Variants in CCM2L observed in about 807,000 individuals in gnomAD.
The protein encoded by CCM2L is CCM2 like scaffold protein.
In CCM2L, 36 loss-of-function variants were observed where a neutral mutation model predicts 54.1. That is an observed-to-expected ratio of 0.67 (90% confidence interval 0.51 to 0.88). The LOEUF is 0.88. Among genes scored for constraint, CCM2L ranks in the 40% least tolerant of loss-of-function variants. The pLI, the probability that CCM2L is intolerant of heterozygous loss-of-function variation, is 0.00. For synonymous variants in CCM2L, 351 were observed against 359.3 expected (o/e 0.98, Z 0.26); for missense variants, 700 against 812.1 (o/e 0.86, Z 1.68).
chr20:32,014,564 C>T (rs1282233272), intron 1 of CCM2L, among the ~76,000 whole-genome samples: 1 of 152,134 alleles, frequency 6.6e-6, no homozygotes, highest in Non-Finnish European at 1.5e-5. Context: ...CCACGCCTGG[C>T]CTTGAATCCT....
chr20:32,023,256 C>CACT, intron 6 of CCM2L, among the ~76,000 whole-genome samples: 1 of 152,358 alleles, frequency 6.6e-6, no homozygotes, highest in East Asian at 1.9e-4. Flanking sequence ...AGGCGTGAGC[C>CACT]ACTGCACCCA....
intron 5 of CCM2L, 43 bp from the exon 6 acceptor site, chr20:32,022,617 C>T: frequency 6.2e-7 from 1 of 1,607,538 alleles, no homozygotes; most frequent in Non-Finnish European, 8.5e-7. Flanking sequence ...ACATCTTGGT[C>T]ATTGGTGAGG....
chr20:32,025,722 C>T (rs2064853213), intron 6 of CCM2L, 134 bp from the exon 7 acceptor site: 2 of 497,568 alleles, frequency 4.0e-6, no homozygotes, highest in Non-Finnish European at 7.0e-6. Flanking sequence ...GGGGAGTTCC[C>T]CAGGGTCTGT....
intron 4 of CCM2L, 62 bp downstream of exon 4, chr20:32,018,224 GCGGGGGCGGGGC>G (rs2064760338): frequency 2.6e-6 from 1 of 378,688 alleles, no homozygotes; most frequent in Non-Finnish European, 4.6e-6. Flanking sequence ...AGGGGCGGGG[GCGGGGGCGGGGC>G]AGGGGCAGGG....
chr20:32,025,832 A>G (rs2064854528), intron 6 of CCM2L, 24 bp from the exon 7 acceptor site: 1 of 1,302,352 alleles, frequency 7.7e-7, no homozygotes, highest in Non-Finnish European at 1.0e-6. Flanking sequence ...TGCCTCTGAC[A>G]GTCCCTCTGT....
intron 7 of CCM2L, chr20:32,028,568 C>A: frequency 5.6e-6 from 1 of 177,796 alleles, no homozygotes. Flanking sequence ...CCTGGAAAGG[C>A]CATGCATGTC....
rs1163124391 is a variant in CCM2L at position 32,029,085 on chromosome 20, C to A, written c.1224C>A (p.Ser408Arg). The A allele has an allele frequency of 1.2e-6, 2 of 1,614,206 alleles. No individual in the cohort carries two copies. The highest frequency in any genetic ancestry group is 1.7e-6 in the Non-Finnish European group (2 of 1,180,038). The change falls in exon 8 of 10, where the codon AGC (serine) becomes AGA (arginine). Residue 408 changes from serine (S) to arginine (R), a missense_variant. Transcript: ENST00000452892. ...CCCACTGCAGCGGCAGCGACCACAG[C>A]AGTCTGGGCTTGGAGCAGTTACAGG... ...HGSHCSGSDHSSLGLEQLQDY... is the reference protein window; with the variant it reads ...HGSHCSGSDHRSLGLEQLQDY...
At chr20:32,015,644 T>A (rs941332272) in intron 2 of CCM2L, among the ~76,000 whole-genome samples, 1 of 152,188 alleles carries the variant, frequency 6.6e-6, no homozygotes, top group South Asian at 2.1e-4. Flanking sequence ...AAAGTTGTAG[T>A]TTTTACAGTC....
At chr20:32,021,667 G>A (rs1260048948) in intron 5 of CCM2L, among the ~76,000 whole-genome samples, 3 of 152,082 alleles carry the variant, frequency 2.0e-5, no homozygotes, top group Non-Finnish European at 2.9e-5. Flanking sequence ...TTGCTTTCCA[G>A]GGTTGTCTGA....
At position 32,031,017 on chromosome 20, in the gene CCM2L, C is replaced by T. The variant is rs1449785599; in HGVS notation, c.1419C>T (p.Ile473=). ...KFLLLGMRPF[I]PDQDIGYFEG... is the part of the protein sequence containing the mutation. ...GGCTCGCAGGGATGCGGCCCTTCATCCCGGACCAGGACATCGGCTACTTCG... is the reference window on the plus strand; with the variant it reads ...GGCTCGCAGGGATGCGGCCCTTCATTCCGGACCAGGACATCGGCTACTTCG... The change falls in exon 10 of 10, where the codon ATC becomes ATT. Residue 473 remains isoleucine, a synonymous_variant. Transcript: ENST00000452892. The T allele has an allele frequency of 2.3e-6, 3 of 1,304,204 alleles. No homozygotes were observed. The highest frequency in any genetic ancestry group is 2.0e-6 in the Non-Finnish European group (2 of 988,928). 80.8% of individuals were successfully genotyped at this position (1,304,204 alleles called of 1,614,324 possible). A position where few individuals can be genotyped will look rare whatever the true frequency, so the allele number is the denominator to read the frequency against.
chr20:32,031,249 G>A lies in CCM2L; in HGVS notation c.1651G>A (p.Asp551Asn), dbSNP rs552472243. Residue 551 changes from aspartate (D) to asparagine (N), a missense_variant, in exon 10 of 10, where the codon GAC becomes AAC. By Grantham distance (23) the Asp-to-Asn change is conservative (BLOSUM62 1). Transcript: ENST00000452892. ...GGCGCTGGCCCCCGATGACGACGAC[G>A]ACGACGAGGATGAGCCCCGGGGCTC... is the stretch of plus-strand genomic sequence containing the variant. ...IEALAPDDDD[D>N]DEDEPRGSRG... 1.2e-3 allele frequency: 1,556 copies of A among 1,298,356 alleles called. 3 individuals are homozygous for A. The highest frequency in any genetic ancestry group is 1.5e-3 in the Non-Finnish European group (1,483 of 988,532). The allele number at this position is 1,298,356 out of a possible 1,614,324, so 80.4% of individuals were successfully genotyped here. A position where few individuals can be genotyped will look rare whatever the true frequency, so the allele number is the denominator to read the frequency against.
intron 7 of CCM2L, 194 bp from the exon 8 acceptor site, chr20:32,028,801 G>A: frequency 1.6e-6 from 1 of 625,698 alleles, no homozygotes; most frequent in South Asian, 2.0e-5. Context: ...AAGGGGGGTG[G>A]GGGGCGCGAA....
intron 7 of CCM2L, 103 bp downstream of exon 7, chr20:32,026,022 T>G (rs1391146596): frequency 1.2e-6 from 1 of 824,898 alleles, no homozygotes; most frequent in East Asian, 6.4e-5. Flanking sequence ...TGATGTGTGC[T>G]GAGACACTGG....
intron 6 of CCM2L, among the ~76,000 whole-genome samples, chr20:32,025,157 T>C (rs1600682046): frequency 6.6e-6 from 1 of 151,270 alleles, no homozygotes; most frequent in Non-Finnish European, 1.5e-5. Flanking sequence ...CCTTCCCCTT[T>C]CTTTCTTTCT....
At chr20:32,023,933 G>A (rs1057298828) in intron 6 of CCM2L, among the ~76,000 whole-genome samples, 2 of 152,160 alleles carry the variant, frequency 1.3e-5, no homozygotes, top group African/African-American at 4.8e-5. Context: ...GTTTCACCAT[G>A]TTAGTTGGCC....
chr20:32,027,166 A>G (rs2064870035), intron 7 of CCM2L, among the ~76,000 whole-genome samples: 1 of 152,252 alleles, frequency 6.6e-6, no homozygotes, highest in African/African-American at 2.4e-5. Context: ...CAGTGCTAAA[A>G]CCAAGAAAGT....
At position 32,031,442 on chromosome 20, in the gene CCM2L, G is replaced by C. The variant is rs926143825; in HGVS notation, c.*128G>C. The C allele has an allele frequency of 1.3e-6, 1 of 744,498 alleles. No individual in the cohort carries two copies. 46.1% of individuals were successfully genotyped at this position (744,498 alleles called of 1,614,324 possible). On this transcript the variant is annotated 3_prime_UTR_variant, in exon 10 of 10. Coordinates refer to ENST00000452892, the MANE Select transcript of CCM2L (RefSeq NM_001365692.1). ...CGGGGGGTCTTCACTCCAGGGTCTC[G>C]CTCCCTGCCCTTGGGGCCCGGGGCC... is the stretch of plus-strand genomic sequence containing the variant.
intron 2 of CCM2L, among the ~76,000 whole-genome samples, chr20:32,016,134 C>G (rs371113066): frequency 1.3e-5 from 2 of 151,344 alleles, no homozygotes; most frequent in East Asian, 4.0e-4. Flanking sequence ...GCTGGGATTA[C>G]AGGTGTGAGC....
chr20:32,011,935 G>T (rs76256945), intron 1 of CCM2L, among the ~76,000 whole-genome samples: 1 of 151,348 alleles, frequency 6.6e-6, no homozygotes, highest in Admixed American at 6.6e-5. Context: ...GCAAGACAAA[G>T]TCCCAGCTCC....
Sources: allele counts gnomAD v4.1 joint callset (sites outside exome capture counted in the v4.1 genomes callset), GRCh38; gene constraint gnomAD v4.1.1; transcripts MANE v1.5; gene names NCBI Gene and HGNC (gene_info 2026-07-23, HGNC 2026-07-21).